Variants in NUDT3 observed in about 807,000 individuals in gnomAD.
NUDT3 encodes the protein nudix hydrolase 3.
NUDT3 carries 9 observed loss-of-function variants against 23.6 expected under a neutral mutation model. The observed-to-expected ratio is 0.38, with a 90% CI of 0.23 to 0.66. The LOEUF (loss-of-function observed/expected upper bound fraction) is 0.66, where lower values mean the gene tolerates loss of function less well. Ranked by LOEUF, NUDT3 falls within the 30% of genes least tolerant of loss-of-function variation. NUDT3 has a pLI of 0.52. For synonymous variants in NUDT3, 86 were observed against 82.6 expected (o/e 1.04, Z -0.22); for missense variants, 172 against 218.5 (o/e 0.79, Z 1.34).
At chr6:34,352,465 T>C (rs1764492976) in intron 1 of NUDT3, among the ~76,000 whole-genome samples, 1 of 152,218 alleles carries the variant, frequency 6.6e-6, no homozygotes, top group Non-Finnish European at 1.5e-5. Context: ...CCACCATCCC[T>C]GGGCCTTGAG....
intron 2 of NUDT3, among the ~76,000 whole-genome samples, chr6:34,331,455 A>G (rs1057691): frequency 0.096 from 14,640 of 152,218 alleles, 804 homozygotes; most frequent in Non-Finnish European, 0.12. Context: ...AAAAACTTGA[A>G]GGAGGGCAGC....
chr6:34,390,966 G>A (rs1475458564), intron 1 of NUDT3, among the ~76,000 whole-genome samples: 1 of 152,026 alleles, frequency 6.6e-6, no homozygotes, highest in Non-Finnish European at 1.5e-5. Context: ...TCTGTTTTGG[G>A]GACTTTTACA....
At chr6:34,365,560 TAA>T (rs1267507497) in intron 1 of NUDT3, among the ~76,000 whole-genome samples, 2 of 152,126 alleles carry the variant, frequency 1.3e-5, no homozygotes, top group African/African-American at 2.4e-5. Flanking sequence ...AAGCCAGTCA[TAA>T]AAAGACAAAA....
In NUDT3 at chr6:34,342,062, T is replaced by C. The variant is rs562749205; in HGVS notation, c.100-90A>G. ...AGTTTAAACACCACAAACATCAAAG[T>C]AACCAAGACCCATTCTTTGTTTATG... On this transcript the variant is annotated intron_variant, in intron 1 of 4. Coordinates refer to ENST00000607016, the MANE Select transcript of NUDT3 (RefSeq NM_006703.4). 3.0e-5 allele frequency: 34 copies of C among 1,139,254 alleles called. No homozygotes were observed. In the South Asian group the frequency reaches 5.1e-4, roughly 17 times the overall value. The allele number at this position is 1,139,254 out of a possible 1,614,324, so 70.6% of individuals were successfully genotyped here.
At chr6:34,296,978 C>T (rs1488171321) in intron 2 of NUDT3, among the ~76,000 whole-genome samples, 1 of 149,028 alleles carries the variant, frequency 6.7e-6, no homozygotes, top group Admixed American at 6.7e-5. Flanking sequence ...GTCACCCAGG[C>T]TGGAGTGCAG....
chr6:34,375,798 A>C (rs182928327), intron 1 of NUDT3, among the ~76,000 whole-genome samples: 66 of 152,290 alleles, frequency 4.3e-4, no homozygotes, highest in Admixed American at 1.6e-3. Context: ...TTCTTCTAAC[A>C]GTTTTATAAA....
intron 2 of NUDT3, among the ~76,000 whole-genome samples, chr6:34,315,924 G>A (rs537774601): frequency 9.9e-5 from 15 of 152,216 alleles, no homozygotes; most frequent in African/African-American, 3.1e-4. Context: ...ATAAATCTCC[G>A]ATAAAGCATG....
rs996168008 is a variant in NUDT3, at chr6:34,281,010, C to T, written c.*7743G>A. On this transcript the variant is annotated 3_prime_UTR_variant, in exon 5 of 5. Coordinates refer to ENST00000607016, the MANE Select transcript of NUDT3 (RefSeq NM_006703.4). ...CTCAACCCACGGGGTTCCCTGGAAACATTTGTTGAACTTGGCCAAGAGGAG... is the reference window on the plus strand; with the variant it reads ...CTCAACCCACGGGGTTCCCTGGAAATATTTGTTGAACTTGGCCAAGAGGAG... 9 of 152,176 alleles carry T rather than the reference C, an allele frequency of 5.9e-5. No homozygotes were observed. Among genetic ancestry groups the T allele is most frequent in the African/African-American group, 1.7e-4 (7 of 41,440 alleles). The allele number at this position is 152,176 out of a possible 1,614,324, so 9.4% of individuals were successfully genotyped here.
At chr6:34,290,146 A>G (rs1455078758) in intron 4 of NUDT3, among the ~76,000 whole-genome samples, 3 of 152,174 alleles carry the variant, frequency 2.0e-5, no homozygotes, top group African/African-American at 7.2e-5. Flanking sequence ...GCACCTGAAG[A>G]GTAACTGGCT....
chr6:34,322,119 T>C (rs1022652391), intron 2 of NUDT3, among the ~76,000 whole-genome samples: 2 of 152,194 alleles, frequency 1.3e-5, no homozygotes, highest in African/African-American at 4.8e-5. Flanking sequence ...TGGCACTGTT[T>C]TAGACTAAGT....
rs1763293420 is a variant in NUDT3, at chr6:34,282,856, A to C, written c.*5897T>G. On this transcript the variant is annotated 3_prime_UTR_variant, in exon 5 of 5. Transcript: ENST00000607016. The stretch of plus-strand genomic sequence containing the variant: ...TTTAGTATTAAGAACTGGGGATATA[A>C]ACCAAAGGAAACCTAGAGTCAACTG... 1 of 152,200 alleles carries C rather than the reference A, an allele frequency of 6.6e-6. No homozygotes were observed. The highest frequency in any genetic ancestry group is 2.4e-5 in the African/African-American group (1 of 41,438). The allele number at this position is 152,200 out of a possible 1,614,324, so 9.4% of individuals were successfully genotyped here. A position where few individuals can be genotyped will look rare whatever the true frequency, so the allele number is the denominator to read the frequency against.
chr6:34,377,756 C>T (rs910207745), intron 1 of NUDT3, among the ~76,000 whole-genome samples: 1 of 150,588 alleles, frequency 6.6e-6, no homozygotes, highest in Admixed American at 6.7e-5. Context: ...TCGCTTGACC[C>T]TGGGAGGCAG....
At chr6:34,297,552 T>G (rs1185741851) in intron 2 of NUDT3, among the ~76,000 whole-genome samples, 7 of 99,146 alleles carry the variant, frequency 7.1e-5, no homozygotes, top group Non-Finnish European at 1.5e-4. Context: ...AAGTCATTGT[T>G]TTTTTTTTTT....
At position 34,309,886 on chromosome 6, in the gene NUDT3, C is replaced by T. The variant is rs926486482; in HGVS notation, c.211-14201G>A. On this transcript the variant is annotated intron_variant, in intron 2 of 4. Transcript: ENST00000607016. Reference sequence around the variant, plus strand: ...GAAAGGTAGAATCTGTCAAAACTCACGTAAGAAAAAACAATCTCAATAAGC... The same window carrying T: ...GAAAGGTAGAATCTGTCAAAACTCATGTAAGAAAAAACAATCTCAATAAGC... Among the ~76,000 whole-genome samples, 6 of 151,994 alleles carry T rather than the reference C, an allele frequency of 3.9e-5. No homozygotes were observed. In the East Asian group the frequency reaches 9.6e-4, roughly 24 times the overall value.
chr6:34,328,799 A>G (rs1276521959), intron 2 of NUDT3, among the ~76,000 whole-genome samples: 1 of 152,236 alleles, frequency 6.6e-6, no homozygotes, highest in African/African-American at 2.4e-5. Context: ...TGAAATGATC[A>G]AAAGTATCCT....
chr6:34,306,311 G>C (rs1242838501), intron 2 of NUDT3, among the ~76,000 whole-genome samples: 3 of 152,188 alleles, frequency 2.0e-5, no homozygotes, highest in African/African-American at 7.2e-5. Context: ...GTGATAAGCA[G>C]CTTGTATTCA....
chr6:34,326,881 G>A (rs559584024), intron 2 of NUDT3, among the ~76,000 whole-genome samples: 34 of 152,280 alleles, frequency 2.2e-4, no homozygotes, highest in African/African-American at 7.2e-4. Flanking sequence ...GATTACAGGC[G>A]TGAAATGTAG....
rs539995780 is a variant in NUDT3, at chr6:34,295,837, C to T, written c.211-152G>A. On this transcript the variant is annotated intron_variant, in intron 2 of 4. Coordinates refer to ENST00000607016, the MANE Select transcript of NUDT3 (RefSeq NM_006703.4). ...ATCTGTGAAGTGATACCAGTGTTTC[C>T]TGTGTGTCACCGACTACTAACCTGC... 6.1e-5 allele frequency: 52 copies of T among 850,258 alleles called. 1 individual carries two copies. In the East Asian group the frequency reaches 1.1e-3, roughly 18 times the overall value. The allele number at this position is 850,258 out of a possible 1,614,324, so 52.7% of individuals were successfully genotyped here.
chr6:34,370,190 T>C lies in NUDT3; in HGVS notation c.99+22074A>G, dbSNP rs192912200. Reference sequence around the variant, plus strand: ...TTCTGCTGCCTTCTTGGCACCATTCTACAAGTCATCTCCACTATGCTCTAT... The same window carrying C: ...TTCTGCTGCCTTCTTGGCACCATTCCACAAGTCATCTCCACTATGCTCTAT... On this transcript the variant is annotated intron_variant, in intron 1 of 4. Coordinates refer to ENST00000607016, the MANE Select transcript of NUDT3 (RefSeq NM_006703.4). Among the ~76,000 whole-genome samples the C allele has an allele frequency of 1.9e-4, 29 of 152,370 alleles. 1 individual carries two copies. The South Asian group carries it at 4.3e-3, about 23-fold the overall frequency.
Sources: allele counts gnomAD v4.1 joint callset (sites outside exome capture counted in the v4.1 genomes callset), GRCh38; gene constraint gnomAD v4.1.1; transcripts MANE v1.5; gene names NCBI Gene and HGNC (gene_info 2026-07-23, HGNC 2026-07-21).